Variants in WWC2 observed in about 807,000 individuals in gnomAD.
WWC2 encodes the protein WW and C2 domain containing 2.
Under a neutral mutation model 138.5 loss-of-function variants are expected in WWC2, and 101 were observed. The observed-to-expected ratio is 0.73, with a 90% confidence interval of 0.62 to 0.86. The LOEUF is 0.86. Ranked by LOEUF, WWC2 falls within the 40% of genes least tolerant of loss-of-function variation. The pLI is 0.00. For synonymous variants in WWC2, 558 were observed against 538.4 expected, an observed-to-expected ratio of 1.04 and a Z score of -0.50; for missense variants, 1,420 against 1,419.4, an observed-to-expected ratio of 1.00 and a Z score of -0.01.
chr4:183,305,762 A>G (rs866634266), intron 21 of WWC2, among the ~76,000 whole-genome samples: 24 of 152,342 alleles, frequency 1.6e-4, no homozygotes, highest in Admixed American at 4.6e-4. Context: ...AAGAAATGTT[A>G]AAAGTTCTTC....
chr4:183,234,423 G>A (rs1435057830), intron 4 of WWC2, among the ~76,000 whole-genome samples: 1 of 152,146 alleles, frequency 6.6e-6, no homozygotes, highest in Non-Finnish European at 1.5e-5. Flanking sequence ...TGGGGATTGT[G>A]GGCCTTTCAT....
intron 1 of WWC2, among the ~76,000 whole-genome samples, chr4:183,140,454 A>G (rs1284449101): frequency 1.3e-5 from 2 of 152,160 alleles, no homozygotes; most frequent in Non-Finnish European, 2.9e-5. Flanking sequence ...TCTTTCATAC[A>G]CAAGATTTGA....
Position 183,249,939 on chromosome 4 carries a change from C to G in WWC2, c.899C>G (p.Ser300Ter). The change falls in exon 8 of 23, where the codon TCA becomes TGA. Residue 300 changes from serine (S) to a stop codon, truncating the protein, a stop_gained. Coordinates refer to ENST00000403733, the MANE Select transcript of WWC2 (RefSeq NM_024949.6). LOFTEE classifies it high-confidence loss of function. ...ISGDIGVRSRSNLAEKVRLSL... is the reference protein window; with the variant it reads ...ISGDIGVRSR ...CACTAGATTGGAGTAAGAAGTAGAT[C>G]AAATTTAGCTGAAAAGGTCAGGCTA... The G allele has an allele frequency of 6.2e-7, 1 of 1,613,450 alleles. No individual in the cohort carries two copies. The highest frequency in any genetic ancestry group is 8.5e-7 in the Non-Finnish European group (1 of 1,179,700).
chr4:183,195,063 AT>A (rs1735098543), intron 2 of WWC2, among the ~76,000 whole-genome samples: 1 of 152,296 alleles, frequency 6.6e-6, no homozygotes, highest in Middle Eastern at 3.4e-3. Flanking sequence ...GATATACTGT[AT>A]TAGTATATAC....
In WWC2 at chr4:183,123,104, G is replaced by A. The variant is rs147730371; in HGVS notation, c.131+23482G>A. On this transcript the variant is annotated intron_variant, in intron 1 of 22. Coordinates refer to ENST00000403733, the MANE Select transcript of WWC2 (RefSeq NM_024949.6). ...GTTGATATTACTACTAAGGAGAGCCGTTGGCACAATGTATGTCAGGTTAAA... is the reference window on the plus strand; with the variant it reads ...GTTGATATTACTACTAAGGAGAGCCATTGGCACAATGTATGTCAGGTTAAA... 1.1e-4 allele frequency among the ~76,000 whole-genome samples: 16 copies of A among 152,220 alleles called. No homozygotes were observed. In the South Asian group the frequency reaches 1.2e-3, roughly 12 times the overall value.
intron 1 of WWC2, among the ~76,000 whole-genome samples, chr4:183,117,041 C>T (rs1369846718): frequency 6.6e-6 from 1 of 151,998 alleles, no homozygotes; most frequent in African/African-American, 2.4e-5. Context: ...AGTGTTGTCC[C>T]ACAGCTTCTC....
intron 1 of WWC2, among the ~76,000 whole-genome samples, chr4:183,136,244 A>C (rs1160399110): frequency 6.6e-6 from 1 of 152,144 alleles, no homozygotes; most frequent in Admixed American, 6.5e-5. Flanking sequence ...TCTATTTAGA[A>C]AAATGTTACT....
At chr4:183,215,781 C>T (rs1580067114) in intron 4 of WWC2, among the ~76,000 whole-genome samples, 2 of 152,272 alleles carry the variant, frequency 1.3e-5, no homozygotes, top group Middle Eastern at 6.8e-3. Context: ...TTTCTCTTCA[C>T]CTAGCTAAGC....
intron 1 of WWC2, among the ~76,000 whole-genome samples, chr4:183,166,950 A>AC (rs1734146324): frequency 6.6e-6 from 1 of 152,194 alleles, no homozygotes; most frequent in Admixed American, 6.5e-5. Context: ...TAGGTCTTGC[A>AC]CCAGAGCTTA....
At chr4:183,220,183 G>A (rs1313512850) in intron 4 of WWC2, among the ~76,000 whole-genome samples, 1 of 152,132 alleles carries the variant, frequency 6.6e-6, no homozygotes, top group African/African-American at 2.4e-5. Context: ...AATGAAGTTT[G>A]GAGTGGATTT....
Position 183,320,264 on chromosome 4 carries a change from T to G in WWC2, c.*4535T>G, listed in dbSNP as rs1260294711. 6.5e-7 allele frequency: 1 copy of G among 1,540,344 alleles called. No homozygotes were observed. Among genetic ancestry groups the G allele is most frequent in the African/African-American group, 1.4e-5 (1 of 72,316 alleles). On this transcript the variant is annotated 3_prime_UTR_variant, in exon 23 of 23. Transcript: ENST00000403733. ...AGCCAAACTAACTCCTGCCCTTCGGTTGCTGTGAAAAGAAGTGTGACACTT... is the reference window on the plus strand; with the variant it reads ...AGCCAAACTAACTCCTGCCCTTCGGGTGCTGTGAAAAGAAGTGTGACACTT...
intron 1 of WWC2, among the ~76,000 whole-genome samples, chr4:183,162,430 G>A (rs1242177478): frequency 3.3e-5 from 5 of 152,166 alleles, no homozygotes; most frequent in African/African-American, 1.2e-4. Flanking sequence ...GCACTACCAT[G>A]CAAAGCAAGG....
chr4:183,174,983 A>G (rs2111170990), intron 1 of WWC2, among the ~76,000 whole-genome samples: 1 of 152,294 alleles, frequency 6.6e-6, no homozygotes, highest in South Asian at 2.1e-4. Context: ...ATTTCCCAGT[A>G]TATATGGTAT....
rs149640854 is a variant in WWC2 at position 183,222,146 on chromosome 4, A to G, written c.522+13121A>G. On this transcript the variant is annotated intron_variant, in intron 4 of 22. Coordinates refer to ENST00000403733, the MANE Select transcript of WWC2 (RefSeq NM_024949.6). ...GCTAGGGGCCAGGTAGAGATAGACT[A>G]TAAAGAGGCGTGAGGAAATATTTTG... Among the ~76,000 whole-genome samples, 557 of 152,342 alleles carry G rather than the reference A, an allele frequency of 3.7e-3. 1 individual carries two copies. The highest frequency in any genetic ancestry group is 6.5e-3 in the Non-Finnish European group (442 of 68,022).
At chr4:183,116,181 A>G (rs568056237) in intron 1 of WWC2, among the ~76,000 whole-genome samples, 2 of 152,166 alleles carry the variant, frequency 1.3e-5, no homozygotes, top group Non-Finnish European at 2.9e-5. Flanking sequence ...TTTTTCTAAC[A>G]TGTTCCATTG....
chr4:183,239,946 T>C (rs1485094678), intron 4 of WWC2, among the ~76,000 whole-genome samples: 1 of 152,178 alleles, frequency 6.6e-6, no homozygotes, highest in Non-Finnish European at 1.5e-5. Context: ...CATAAGAATG[T>C]TGCTAAGTAA....
chr4:183,125,447 C>T (rs1322195732), intron 1 of WWC2, among the ~76,000 whole-genome samples: 1 of 152,138 alleles, frequency 6.6e-6, no homozygotes, highest in Non-Finnish European at 1.5e-5. Context: ...AATGCTATTT[C>T]TAGTGAAAAA....
intron 4 of WWC2, among the ~76,000 whole-genome samples, chr4:183,209,266 T>G (rs1462902961): frequency 6.6e-6 from 1 of 152,198 alleles, no homozygotes. Flanking sequence ...TTTGTTTTTT[T>G]GAGATGAAGT....
intron 20 of WWC2, among the ~76,000 whole-genome samples, chr4:183,287,450 A>G (rs1273410359): frequency 1.3e-5 from 2 of 152,182 alleles, no homozygotes; most frequent in Non-Finnish European, 2.9e-5. Context: ...TCAGATAAAT[A>G]TTAACCAAAA....
Sources: gnomAD v4.1 joint callset for allele counts (sites outside exome capture counted in the v4.1 genomes callset) on GRCh38, gnomAD v4.1.1 for gene constraint, MANE v1.5 for transcripts, NCBI Gene and HGNC (gene_info 2026-07-23, HGNC 2026-07-21) for gene names.